PXT1: variants seen among roughly 807,000 people sequenced by gnomAD.
The protein encoded by PXT1 is peroxisomal testis enriched protein 1, also known as peroxisomal testis-specific protein 1.
In PXT1, 11 loss-of-function variants were observed where a neutral mutation model predicts 11.0. The ratio of observed to expected loss-of-function variants is 1.00; its 90% CI spans 0.63 to 1.66. The LOEUF is 1.66. PXT1 is among the 40% of genes most tolerant of loss of function. The pLI, the probability that PXT1 is intolerant of heterozygous loss-of-function variation, is 0.00. For synonymous variants in PXT1, 43 were observed against 51.4 expected, an observed-to-expected ratio of 0.84 and a Z score of 0.70; for missense variants, 141 against 155.5, an observed-to-expected ratio of 0.91 and a Z score of 0.49.
chr6:36,418,338 G>A (rs1774480650), intron 3 of PXT1, among the ~76,000 whole-genome samples: 1 of 152,202 alleles, frequency 6.6e-6, no homozygotes, highest in Admixed American at 6.5e-5. Context: ...TGGAAAACAT[G>A]ACCAATTAAG....
intron 1 of PXT1, among the ~76,000 whole-genome samples, chr6:36,440,029 T>C (rs1349170519): frequency 6.6e-6 from 1 of 151,844 alleles, no homozygotes; most frequent in African/African-American, 2.4e-5. Flanking sequence ...GCCCAGGAGG[T>C]TGAGGTTGCA....
intron 3 of PXT1, among the ~76,000 whole-genome samples, chr6:36,405,377 G>GT (rs34977971): frequency 0.026 from 3,823 of 146,404 alleles, 134 homozygotes; most frequent in African/African-American, 0.083. Flanking sequence ...AAGAAAAACT[G>GT]TTTTTTTTTT....
chr6:36,391,783 T>C lies in PXT1; in HGVS notation c.392A>G (p.Asn131Ser), dbSNP rs1232586974. ...VQVLLHFFWN[N>S]HLL Reference sequence around the variant, plus strand: ...TTTACTTTCCTTTTACAGCAAATGGTTGTTCCAGAAAAAATGCAGCAACAC... The same window carrying C: ...TTTACTTTCCTTTTACAGCAAATGGCTGTTCCAGAAAAAATGCAGCAACAC... The change falls in exon 5 of 5, where the codon AAC becomes AGC. Residue 131 changes from asparagine (N) to serine (S), a missense_variant. Asn to Ser is a conservative substitution (Grantham distance 46). Transcript: ENST00000454782. 1.9e-6 allele frequency: 3 copies of C among 1,611,846 alleles called. No individual in the cohort carries two copies. Among genetic ancestry groups the C allele is most frequent in the Non-Finnish European group, 2.5e-6 (3 of 1,178,232 alleles).
chr6:36,426,621 C>T (rs748278002), intron 2 of PXT1, among the ~76,000 whole-genome samples: 5 of 152,144 alleles, frequency 3.3e-5, no homozygotes, highest in Non-Finnish European at 5.9e-5. Flanking sequence ...CCGCCTGCCT[C>T]AGCCTCCCAA....
rs182094873 is a variant in PXT1, at chr6:36,397,315, C to T, written c.300+3139G>A. ...GGTACTCCAGGCACAGTGAGATGTA[C>T]CTATAGTCCCAGCTACTTAGGAGGT... is the stretch of plus-strand genomic sequence containing the variant. On this transcript the variant is annotated intron_variant, in intron 4 of 4. Transcript: ENST00000454782. Among the ~76,000 whole-genome samples the T allele has an allele frequency of 4.8e-4, 73 of 152,210 alleles. 1 individual carries two copies. The East Asian group carries it at 0.014, about 29-fold the overall frequency.
At chr6:36,397,964 A>G (rs1774165690) in intron 4 of PXT1, among the ~76,000 whole-genome samples, 1 of 152,096 alleles carries the variant, frequency 6.6e-6, no homozygotes, top group Non-Finnish European at 1.5e-5. Context: ...TGTGTGAGCT[A>G]TGATCACAGC....
chr6:36,408,204 C>T (rs1014575124), intron 3 of PXT1, among the ~76,000 whole-genome samples: 1 of 151,566 alleles, frequency 6.6e-6, no homozygotes, highest in Non-Finnish European at 1.5e-5. Flanking sequence ...TCAGGTGTTC[C>T]ACCCGCCTCA....
chr6:36,420,742 T>C (rs900432219), intron 3 of PXT1, among the ~76,000 whole-genome samples: 1 of 152,210 alleles, frequency 6.6e-6, no homozygotes, highest in Admixed American at 6.5e-5. Flanking sequence ...TAAATACTTA[T>C]TCAAAATTTA....
intron 3 of PXT1, among the ~76,000 whole-genome samples, chr6:36,405,031 T>C (rs138161720): frequency 2.2e-3 from 329 of 152,214 alleles, no homozygotes; most frequent in African/African-American, 7.5e-3. Flanking sequence ...GAAGGCATTG[T>C]TATTATAGGA....
intron 3 of PXT1, among the ~76,000 whole-genome samples, chr6:36,420,507 T>A (rs1582263827): frequency 6.6e-6 from 1 of 152,188 alleles, no homozygotes; most frequent in African/African-American, 2.4e-5. Context: ...ATAAAGAAAT[T>A]CTGGAAAGAT....
chr6:36,414,384 G>C (rs999905529), intron 3 of PXT1, among the ~76,000 whole-genome samples: 1 of 152,192 alleles, frequency 6.6e-6, no homozygotes, highest in South Asian at 2.1e-4. Context: ...TGGAGGAGGG[G>C]AGGAAAGGAA....
At position 36,391,475 on chromosome 6, in the gene PXT1, G is replaced by T; in HGVS notation, c.*295C>A. 2 of 369,732 alleles carry T rather than the reference G, an allele frequency of 5.4e-6. No individual in the cohort carries two copies. Among genetic ancestry groups the T allele is most frequent in the East Asian group, 1.3e-4 (2 of 15,538 alleles). The allele number at this position is 369,732 out of a possible 1,614,324, so 22.9% of individuals were successfully genotyped here. On this transcript the variant is annotated 3_prime_UTR_variant, in exon 5 of 5. Coordinates refer to ENST00000454782, the MANE Select transcript of PXT1 (RefSeq NM_152990.4). ...AATGTTCAAGGTTTCCTCACAAGGA[G>T]CCCTGGGACCATCCACAGCGCTGGT...
chr6:36,439,042 C>T (rs1774815380), intron 1 of PXT1, among the ~76,000 whole-genome samples, 156 bp from the exon 2 acceptor site: 1 of 151,626 alleles, frequency 6.6e-6, no homozygotes, highest in South Asian at 2.1e-4. Flanking sequence ...TCGGTATCGC[C>T]CAGGTTGGAG....
At chr6:36,427,004 ACTTTTTTTTT>A (rs1774617642) in intron 2 of PXT1, among the ~76,000 whole-genome samples, 2 of 145,488 alleles carry the variant, frequency 1.4e-5, no homozygotes, top group Non-Finnish European at 3.0e-5. Context: ...TTGCATTAGG[ACTTTTTTTTT>A]CTTTTTTTTT....
intron 3 of PXT1, among the ~76,000 whole-genome samples, chr6:36,424,143 A>G (rs932094580): frequency 6.6e-6 from 1 of 152,250 alleles, no homozygotes; most frequent in Non-Finnish European, 1.5e-5. Flanking sequence ...AGAGTTTACA[A>G]TAAAACATAA....
At chr6:36,436,113 C>CAAAAAAAAAAAAAAAAAAACA (rs11294829) in intron 2 of PXT1, among the ~76,000 whole-genome samples, 1 of 60,094 alleles carries the variant, frequency 1.7e-5, no homozygotes, top group Non-Finnish European at 3.3e-5. Flanking sequence ...AAAAGTAAGC[C>CAAAAAAAAAAAAAAAAAAACA]AAAAAAAAAA....
intron 1 of PXT1, among the ~76,000 whole-genome samples, chr6:36,439,860 A>G (rs1774830048): frequency 6.6e-6 from 1 of 152,080 alleles, no homozygotes; most frequent in Admixed American, 6.6e-5. Flanking sequence ...ACATTTCCAC[A>G]TTTCCTGACT....
At chr6:36,423,310 C>T (rs1226246077) in intron 3 of PXT1, among the ~76,000 whole-genome samples, 1 of 152,264 alleles carries the variant, frequency 6.6e-6, no homozygotes, top group Non-Finnish European at 1.5e-5. Context: ...AGAGCGCCGC[C>T]AGGTCCTCGG....
chr6:36,400,414 C>G (rs1329175601), intron 4 of PXT1, 40 bp downstream of exon 4: 1 of 1,608,510 alleles, frequency 6.2e-7, no homozygotes, highest in South Asian at 1.1e-5. Flanking sequence ...GCTCTTTCCT[C>G]CTACCTGACA....
Sources: gnomAD v4.1 joint callset for allele counts (sites outside exome capture counted in the v4.1 genomes callset) on GRCh38, gnomAD v4.1.1 for gene constraint, MANE v1.5 for transcripts, NCBI Gene and HGNC (gene_info 2026-07-23, HGNC 2026-07-21) for gene names.